The following CAGE1 variants were observed in gnomAD, a reference collection of about 807,000 sequenced individuals.
The protein encoded by CAGE1 is cancer antigen 1, also known as cancer-associated gene 1 protein.
CAGE1 carries 66 observed loss-of-function variants against 94.9 expected under a neutral mutation model. That is an observed-to-expected ratio of 0.70 (90% CI 0.57 to 0.85). CAGE1 has a LOEUF of 0.85. CAGE1 is among the 40% of genes least tolerant of loss of function. The pLI is 0.00. For synonymous variants in CAGE1, 319 were observed against 321.0 expected (o/e 0.99, Z 0.07); for missense variants, 865 against 950.4 (o/e 0.91, Z 1.18).
chr6:7,366,027 CCT>C, intron 7 of CAGE1, 143 bp from the exon 8 acceptor site: 1 of 543,766 alleles, frequency 1.8e-6, no homozygotes, highest in Non-Finnish European at 3.2e-6. Context: ...GGGTGGATCA[CCT>C]CAGGTCAGGA....
At chr6:7,381,199 A>G (rs1216246629) in intron 3 of CAGE1, among the ~76,000 whole-genome samples, 1 of 152,224 alleles carries the variant, frequency 6.6e-6, no homozygotes, top group African/African-American at 2.4e-5. Flanking sequence ...ATTTGCAGAC[A>G]GGGCCTTTAA....
chr6:7,338,529 A>G (rs1759048474), intron 11 of CAGE1, among the ~76,000 whole-genome samples: 1 of 152,214 alleles, frequency 6.6e-6, no homozygotes, highest in Non-Finnish European at 1.5e-5. Flanking sequence ...TTTTTTAAAT[A>G]TGCTAACTAA....
Position 7,378,920 on chromosome 6 carries a change from G to A in CAGE1, c.384C>T (p.His128=), listed in dbSNP as rs1243033237. 1 of 1,604,654 alleles carries A rather than the reference G, an allele frequency of 6.2e-7. No homozygotes were observed. The highest frequency in any genetic ancestry group is 8.5e-7 in the Non-Finnish European group (1 of 1,174,756). ...LRQFETVCKF[H]WVEAFDDEMT... ...TTTCATCATCAAATGCTTCTACCCA[G>A]TGAAATTTGCAAACGGTTTCAAATT... Residue 128 remains histidine, a synonymous_variant, in exon 4 of 14, where the codon CAC becomes CAT. Coordinates refer to ENST00000502583, the MANE Select transcript of CAGE1 (RefSeq NM_001170692.2).
At chr6:7,369,235 T>C (rs568918930) in intron 6 of CAGE1, among the ~76,000 whole-genome samples, 1 of 152,272 alleles carries the variant, frequency 6.6e-6, no homozygotes, top group African/African-American at 2.4e-5. Context: ...CTCGAACTCC[T>C]GACCTCAGGT....
At chr6:7,359,298 CGGCCTCCCA>C (rs1760091869) in intron 9 of CAGE1, among the ~76,000 whole-genome samples, 2 of 152,178 alleles carry the variant, frequency 1.3e-5, no homozygotes, top group Non-Finnish European at 2.9e-5. Context: ...CCACCCACCT[CGGCCTCCCA>C]AAGTGCTGGG....
At chr6:7,355,159 AT>A (rs905243374) in intron 10 of CAGE1, 48 bp from the exon 11 acceptor site, 9 of 1,387,920 alleles carry the variant, frequency 6.5e-6, no homozygotes, top group South Asian at 1.3e-5. Context: ...TAGAATTTTT[AT>A]TTTTTTCTTT....
intron 11 of CAGE1, among the ~76,000 whole-genome samples, chr6:7,338,216 C>T (rs1489655177): frequency 6.6e-6 from 1 of 152,116 alleles, no homozygotes; most frequent in Non-Finnish European, 1.5e-5. Context: ...TGTCTGTGAA[C>T]ACATGCATTT....
chr6:7,360,158 T>C (rs1318082866), intron 9 of CAGE1, among the ~76,000 whole-genome samples: 1 of 152,222 alleles, frequency 6.6e-6, no homozygotes, highest in East Asian at 1.9e-4. Flanking sequence ...GAACTCATGA[T>C]TATTGGACCC....
chr6:7,345,214 A>G (rs891734873), intron 11 of CAGE1, among the ~76,000 whole-genome samples: 4 of 147,802 alleles, frequency 2.7e-5, no homozygotes, highest in African/African-American at 1.1e-4. Flanking sequence ...CTTTGAAGTT[A>G]GTATAAGCTA....
chr6:7,342,039 T>C (rs1759196545), intron 11 of CAGE1: 3 of 869,222 alleles, frequency 3.5e-6, no homozygotes, highest in Admixed American at 1.7e-5. Flanking sequence ...ATTTGTCTTT[T>C]TGGTAGGCAT....
Position 7,356,008 on chromosome 6 carries a change from GA to G in CAGE1, c.2298+16del, listed in dbSNP as rs747036848. On this transcript the variant is annotated intron_variant, in intron 10 of 13. Coordinates refer to ENST00000502583, the MANE Select transcript of CAGE1 (RefSeq NM_001170692.2). Reference sequence around the variant, plus strand: ...TGAGATCTTGTCTCAAAATACAAAAGAAAAAAAAATGTCTACCTTCTTTATT... The same window carrying G: ...TGAGATCTTGTCTCAAAATACAAAAGAAAAAAAATGTCTACCTTCTTTATT... The G allele has an allele frequency of 1.2e-4, 162 of 1,393,302 alleles. No individual in the cohort carries two copies. The highest frequency in any genetic ancestry group is 2.3e-4 in the East Asian group (9 of 39,674). 86.3% of individuals were successfully genotyped at this position (1,393,302 alleles called of 1,614,324 possible).
intron 10 of CAGE1, among the ~76,000 whole-genome samples, chr6:7,355,565 G>T (rs1183606451): frequency 3.3e-5 from 5 of 152,338 alleles, no homozygotes; most frequent in Admixed American, 3.3e-4. Flanking sequence ...CAGCTAAAAG[G>T]ATAATGGGGG....
Position 7,370,048 on chromosome 6 carries a change from A to T in CAGE1, c.1764T>A (p.His588Gln). 1 of 1,606,514 alleles carries T rather than the reference A, an allele frequency of 6.2e-7. No homozygotes were observed. The highest frequency in any genetic ancestry group is 8.5e-7 in the Non-Finnish European group (1 of 1,177,764). ...GTGAGCAATCCGGGAGCAGATTAGA[A>T]TGTGTCGTTTTTGTATCCTACATGC... is the stretch of plus-strand genomic sequence containing the variant. ...SDITKDTKTT[H>Q]SNLLPDCSPC... The change falls in exon 6 of 14, where the codon CAT becomes CAA. Residue 588 changes from histidine (H) to glutamine (Q), a missense_variant. Coordinates refer to ENST00000502583, the MANE Select transcript of CAGE1 (RefSeq NM_001170692.2).
At chr6:7,342,868 G>T (rs565109413) in intron 11 of CAGE1, among the ~76,000 whole-genome samples, 1 of 152,136 alleles carries the variant, frequency 6.6e-6, no homozygotes, top group African/African-American at 2.4e-5. Context: ...TCTACATGTG[G>T]CTTGCCAATT....
At chr6:7,383,676 T>A (rs1761015188) in intron 3 of CAGE1, among the ~76,000 whole-genome samples, 1 of 152,218 alleles carries the variant, frequency 6.6e-6, no homozygotes, top group African/African-American at 2.4e-5. Context: ...TTTTTTTAAC[T>A]TTTTCACTTC....
At chr6:7,333,600 A>G (rs1267470243) in intron 12 of CAGE1, among the ~76,000 whole-genome samples, 2 of 91,722 alleles carry the variant, frequency 2.2e-5, no homozygotes, top group East Asian at 6.0e-4. Context: ...TAAGGAAAAG[A>G]GTTTTTTTTT....
chr6:7,353,446 G>A (rs915192308), intron 11 of CAGE1, among the ~76,000 whole-genome samples: 3 of 152,176 alleles, frequency 2.0e-5, no homozygotes, highest in African/African-American at 7.2e-5. Context: ...TGGTGGGAAT[G>A]TAAACTAGAA....
chr6:7,377,809 C>T (rs1303155923), intron 4 of CAGE1, among the ~76,000 whole-genome samples: 1 of 152,134 alleles, frequency 6.6e-6, no homozygotes. Context: ...TCTATTTTCC[C>T]ATACCAATTC....
At chr6:7,375,667 C>G (rs1188896601) in intron 4 of CAGE1, among the ~76,000 whole-genome samples, 3 of 152,046 alleles carry the variant, frequency 2.0e-5, no homozygotes, top group African/African-American at 7.2e-5. Flanking sequence ...TCTTGTGGGC[C>G]ATGATCACAC....
Sources: gnomAD v4.1 joint callset for allele counts (sites outside exome capture counted in the v4.1 genomes callset) on GRCh38, gnomAD v4.1.1 for gene constraint, MANE v1.5 for transcripts, NCBI Gene and HGNC (gene_info 2026-07-23, HGNC 2026-07-21) for gene names.